SEC31A: variants seen among roughly 807,000 people sequenced by gnomAD.
SEC31A encodes protein transport protein Sec31A.
A neutral mutation model predicts 151.0 loss-of-function variants in SEC31A; 70 were observed. The observed-to-expected ratio is 0.46, with a 90% CI of 0.38 to 0.57. The LOEUF is 0.57. SEC31A is among the 20% of genes least tolerant of loss of function. The pLI, the probability that SEC31A is intolerant of heterozygous loss-of-function variation, is 0.00. For missense variants in SEC31A, 1,330 were observed against 1,471.2 expected (o/e 0.90, Z 1.57); for synonymous variants, 475 against 505.9 (o/e 0.94, Z 0.82).
intron 1 of SEC31A, chr4:82,890,583 G>T (rs1742120727): frequency 4.1e-6 from 1 of 241,152 alleles, no homozygotes. Flanking sequence ...TACAGGCTGC[G>T]CCTGGCTACC....
chr4:82,842,180 T>C lies in SEC31A; in HGVS notation c.2928A>G (p.Thr976=), dbSNP rs909901934. Residue 976 remains threonine, a synonymous_variant, in exon 22 of 27, where the codon ACA becomes ACG. Transcript: ENST00000395310. ...AYALPPGTTG[T]LPAASELPAS... ...CAGGCAGCTCACTGGCAGCAGGCAG[T>C]GTACCTGTTGTTCCAGGAGGCAGTG... is the stretch of plus-strand genomic sequence containing the variant. 1.3e-6 allele frequency: 2 copies of C among 1,590,336 alleles called. No homozygotes were observed. Among genetic ancestry groups the C allele is most frequent in the Non-Finnish European group, 1.7e-6 (2 of 1,166,470 alleles).
At chr4:82,843,047 G>T (rs1002662746) in intron 21 of SEC31A, among the ~76,000 whole-genome samples, 12 of 151,988 alleles carry the variant, frequency 7.9e-5, no homozygotes, top group Non-Finnish European at 1.6e-4. Context: ...CATACAGTAT[G>T]AAGATGGTTA....
rs13112559 is a variant in SEC31A at position 82,853,534 on chromosome 4, C to G, written c.2154+36G>C. The G allele has an allele frequency of 0.21, 323,156 of 1,520,652 alleles. 35,708 individuals carry two copies. Among genetic ancestry groups the G allele is most frequent in the South Asian group, 0.33 (25,448 of 77,030 alleles). 94.2% of individuals were successfully genotyped at this position (1,520,652 alleles called of 1,614,324 possible). A position where few individuals can be genotyped will look rare whatever the true frequency, so the allele number is the denominator to read the frequency against. The stretch of plus-strand genomic sequence containing the variant: ...ATGATAAGTAGGGTGAAAGACAACA[C>G]TAAAAATTAAGTGCCTTTTGTTTCA... On this transcript the variant is annotated intron_variant, in intron 18 of 26. Coordinates refer to ENST00000395310, the MANE Select transcript of SEC31A (RefSeq NM_001077207.4).
Position 82,880,902 on chromosome 4 carries a change from C to T in SEC31A, c.100G>A (p.Asp34Asn). 6.2e-7 allele frequency: 1 copy of T among 1,609,624 alleles called. No homozygotes were observed. Residue 34 changes from aspartate to asparagine, a missense_variant, in exon 3 of 27, where the codon GAT (aspartate) becomes AAT (asparagine). Transcript: ENST00000395310. ...LATGTSAQQL[D>N]ATFSTNASLE... ...GAAGCATTCGTACTAAATGTTGCAT[C>T]CAATTGCTGAGCAGATGTTCCTATA... is the stretch of plus-strand genomic sequence containing the variant.
chr4:82,847,765 A>G (rs1225085770), intron 20 of SEC31A, among the ~76,000 whole-genome samples: 1 of 152,130 alleles, frequency 6.6e-6, no homozygotes, highest in African/African-American at 2.4e-5. Context: ...TTTGTTCATA[A>G]CTATACCCCC....
At position 82,866,879 on chromosome 4, in the gene SEC31A, G is replaced by GA; in HGVS notation, c.1125dup (p.Gln376SerfsTer3). The GA allele has an allele frequency of 6.2e-7, 1 of 1,614,172 alleles. No homozygotes were observed. The highest frequency in any genetic ancestry group is 8.5e-7 in the Non-Finnish European group (1 of 1,180,006). The stretch of plus-strand genomic sequence containing the variant: ...TTCAGAGGCAGCACTATACTATGCT[G>GA]AGCAGTCTGCTGTGGAATTTGTAAC... On this transcript the variant is annotated frameshift_variant, in exon 10 of 27. Coordinates refer to ENST00000395310, the MANE Select transcript of SEC31A (RefSeq NM_001077207.4). LOFTEE classifies it high-confidence loss of function.
At chr4:82,849,362 C>T (rs905697369) in intron 19 of SEC31A, among the ~76,000 whole-genome samples, 1 of 152,102 alleles carries the variant, frequency 6.6e-6, no homozygotes, top group African/African-American at 2.4e-5. Flanking sequence ...CGCCTGCAAT[C>T]CCAGCACTTT....
chr4:82,832,592 G>T (rs1455411515), intron 22 of SEC31A, among the ~76,000 whole-genome samples: 1 of 152,142 alleles, frequency 6.6e-6, no homozygotes, highest in Admixed American at 6.6e-5. Context: ...CACAGCAAAA[G>T]AAACTATCAT....
intron 1 of SEC31A, among the ~76,000 whole-genome samples, chr4:82,883,672 T>C (rs1739898005): frequency 6.6e-6 from 1 of 151,464 alleles, no homozygotes; most frequent in Non-Finnish European, 1.5e-5. Context: ...CTAGAAAAAA[T>C]ACAAAAATTA....
intron 1 of SEC31A, among the ~76,000 whole-genome samples, chr4:82,883,964 A>G (rs1254758369): frequency 2.1e-5 from 3 of 143,226 alleles, no homozygotes; most frequent in Non-Finnish European, 4.6e-5. Flanking sequence ...GTCATGTATT[A>G]TTTGACCATT....
chr4:82,836,502 A>G (rs1356361344), intron 22 of SEC31A, among the ~76,000 whole-genome samples: 1 of 152,218 alleles, frequency 6.6e-6, no homozygotes, highest in African/African-American at 2.4e-5. Flanking sequence ...ACAAATAACA[A>G]ATGTGGTATA....
intron 1 of SEC31A, among the ~76,000 whole-genome samples, chr4:82,888,350 C>CAAAA (rs1177774222): frequency 4.2e-4 from 11 of 26,092 alleles, no homozygotes; most frequent in Admixed American, 5.6e-4. Context: ...GACTCCGTCT[C>CAAAA]AAAAAAAAAA....
intron 20 of SEC31A, among the ~76,000 whole-genome samples, chr4:82,848,035 T>C (rs1307387807): frequency 1.3e-5 from 2 of 152,210 alleles, no homozygotes; most frequent in Non-Finnish European, 2.9e-5. Context: ...CAATTTGTTC[T>C]ATTTTAAAAT....
intron 18 of SEC31A, 120 bp downstream of exon 18, chr4:82,853,450 T>C (rs929763721): frequency 7.1e-6 from 6 of 841,766 alleles, no homozygotes; most frequent in Non-Finnish European, 1.1e-5. Flanking sequence ...TGCATATAAT[T>C]ATCCAGCAAA....
At chr4:82,834,623 A>G (rs569771425) in intron 22 of SEC31A, among the ~76,000 whole-genome samples, 2 of 152,280 alleles carry the variant, frequency 1.3e-5, no homozygotes, top group Admixed American at 6.5e-5. Flanking sequence ...GCAATATTTT[A>G]TAATTAAGTA....
chr4:82,839,393 C>T (rs1033790688), intron 22 of SEC31A, among the ~76,000 whole-genome samples: 10 of 152,164 alleles, frequency 6.6e-5, no homozygotes, highest in East Asian at 3.8e-4. Flanking sequence ...TCAGGTGATC[C>T]GCCCGCCTTG....
intron 1 of SEC31A, among the ~76,000 whole-genome samples, chr4:82,883,945 T>C (rs1468915975): frequency 3.3e-5 from 5 of 151,856 alleles, no homozygotes; most frequent in African/African-American, 1.2e-4. Context: ...CTGTCATCTC[T>C]TCTGTCTAGT....
chr4:82,845,475 A>AC (rs1396719795), intron 20 of SEC31A, among the ~76,000 whole-genome samples: 1 of 152,022 alleles, frequency 6.6e-6, no homozygotes, highest in African/African-American at 2.4e-5. Context: ...ACAAAACAAA[A>AC]CAACAACAAC....
intron 6 of SEC31A, among the ~76,000 whole-genome samples, 176 bp from the exon 7 acceptor site, chr4:82,872,262 A>G (rs1021313538): frequency 8.5e-5 from 13 of 152,086 alleles, no homozygotes; most frequent in Admixed American, 8.5e-4. Flanking sequence ...ATCTCAGCTC[A>G]CTGCAACCTC....
Sources: allele counts gnomAD v4.1 joint callset (sites outside exome capture counted in the v4.1 genomes callset), GRCh38; gene constraint gnomAD v4.1.1; transcripts MANE v1.5; gene names NCBI Gene and HGNC (gene_info 2026-07-23, HGNC 2026-07-21).